Variants in TMOD2 observed in about 807,000 individuals in gnomAD.
The protein encoded by TMOD2 is tropomodulin-2.
A neutral mutation model predicts 39.9 loss-of-function variants in TMOD2; 22 were observed. The ratio of observed to expected loss-of-function variants is 0.55; its 90% CI spans 0.39 to 0.79. TMOD2 has a LOEUF of 0.79. Ranked by LOEUF, TMOD2 falls within the 30% of genes least tolerant of loss-of-function variation. TMOD2 has a pLI of 0.00. For missense variants in TMOD2, 386 were observed against 413.3 expected (o/e 0.93, Z 0.57); for synonymous variants, 123 against 146.1 (o/e 0.84, Z 1.14).
At chr15:51,773,086 A>G (rs2055863995) in intron 3 of TMOD2, among the ~76,000 whole-genome samples, 1 of 152,098 alleles carries the variant, frequency 6.6e-6, no homozygotes, top group Admixed American at 6.5e-5. Context: ...TGGACACCCA[A>G]GCCCACATAT....
chr15:51,782,842 T>A lies in TMOD2; in HGVS notation c.732+14T>A. 1 of 1,605,194 alleles carries A rather than the reference T, an allele frequency of 6.2e-7. No individual in the cohort carries two copies. Among genetic ancestry groups the A allele is most frequent in the Non-Finnish European group, 8.5e-7 (1 of 1,173,456 alleles). On this transcript the variant is annotated intron_variant, in intron 7 of 9. Coordinates refer to ENST00000249700, the MANE Select transcript of TMOD2 (RefSeq NM_014548.4). ...CCTGTGGCCATTGTGAGTAAAATTC[T>A]TAGAAATATAACATGAAGTTATTTA... is the stretch of plus-strand genomic sequence containing the variant.
At chr15:51,757,126 G>C (rs1368398406) in intron 1 of TMOD2, among the ~76,000 whole-genome samples, 1 of 152,208 alleles carries the variant, frequency 6.6e-6, no homozygotes, top group Non-Finnish European at 1.5e-5. Context: ...AGAGGGCTGA[G>C]CGTGGTGGCT....
At chr15:51,753,853 A>G (rs941897513) in intron 1 of TMOD2, among the ~76,000 whole-genome samples, 6 of 152,218 alleles carry the variant, frequency 3.9e-5, no homozygotes, top group Non-Finnish European at 7.3e-5. Flanking sequence ...AAGAAAACAA[A>G]TGTTTATTGT....
At chr15:51,762,678 C>A (rs191619386) in intron 1 of TMOD2, among the ~76,000 whole-genome samples, 14 of 152,078 alleles carry the variant, frequency 9.2e-5, no homozygotes, top group African/African-American at 3.4e-4. Flanking sequence ...TTCCCCATGC[C>A]CCTATGTCAT....
intron 5 of TMOD2, among the ~76,000 whole-genome samples, chr15:51,778,401 G>A (rs910754129): frequency 4.7e-4 from 70 of 149,876 alleles, no homozygotes; most frequent in Non-Finnish European, 6.8e-4. Context: ...ACGAGTTAAT[G>A]GGTGCAGCAC....
intron 7 of TMOD2, among the ~76,000 whole-genome samples, chr15:51,790,747 C>G (rs1029710741): frequency 6.6e-6 from 1 of 152,166 alleles, no homozygotes. Context: ...AAACCAACTA[C>G]AAAAACCACA....
chr15:51,806,316 C>A, intron 8 of TMOD2, 61 bp from the exon 9 acceptor site: 2 of 1,589,678 alleles, frequency 1.3e-6, no homozygotes, highest in Non-Finnish European at 8.6e-7. Context: ...TTTTCCTGTG[C>A]AAGTAACTGT....
intron 8 of TMOD2, among the ~76,000 whole-genome samples, chr15:51,801,212 C>G (rs929356245): frequency 7.3e-6 from 1 of 137,724 alleles, no homozygotes; most frequent in African/African-American, 2.9e-5. Context: ...TATTCATTCT[C>G]TCTCCCTCTC....
chr15:51,786,252 G>T (rs987562918), intron 7 of TMOD2, among the ~76,000 whole-genome samples: 2 of 152,086 alleles, frequency 1.3e-5, no homozygotes, highest in Non-Finnish European at 2.9e-5. Flanking sequence ...CCAAGGGAAA[G>T]AAGTGATGAT....
At chr15:51,775,585 T>TC (rs1305880352) in intron 4 of TMOD2, among the ~76,000 whole-genome samples, 4 of 137,178 alleles carry the variant, frequency 2.9e-5, no homozygotes, top group African/African-American at 1.1e-4. Context: ...TTTTTTTTTT[T>TC]TTTTTTTTTT....
At chr15:51,772,000 G>C (rs2055856977) in intron 3 of TMOD2, among the ~76,000 whole-genome samples, 1 of 152,130 alleles carries the variant, frequency 6.6e-6, no homozygotes, top group African/African-American at 2.4e-5. Context: ...TCCTGTGTTT[G>C]GAGTGCCCAG....
chr15:51,766,705 C>T, intron 2 of TMOD2, 138 bp downstream of exon 2: 12 of 912,344 alleles, frequency 1.3e-5, no homozygotes, highest in Non-Finnish European at 2.0e-5. Context: ...TCTGGGTCAC[C>T]TGTGTTTACA....
intron 7 of TMOD2, among the ~76,000 whole-genome samples, chr15:51,789,079 G>C (rs895194262): frequency 2.6e-5 from 4 of 152,142 alleles, no homozygotes; most frequent in Non-Finnish European, 5.9e-5. Flanking sequence ...TGGATAAAGA[G>C]TCAAGACCCA....
chr15:51,772,877 A>T (rs1295372153), intron 3 of TMOD2, among the ~76,000 whole-genome samples: 1 of 152,164 alleles, frequency 6.6e-6, no homozygotes, highest in Admixed American at 6.5e-5. Flanking sequence ...CCTGCTCCTA[A>T]TATTTGCAGG....
At chr15:51,777,091 T>C in intron 5 of TMOD2, 73 bp downstream of exon 5, 1 of 1,291,686 alleles carries the variant, frequency 7.7e-7, no homozygotes, top group Non-Finnish European at 1.1e-6. Flanking sequence ...GAGAGGCCTG[T>C]TGAGTCTTGC....
chr15:51,781,298 A>G, intron 6 of TMOD2, 124 bp downstream of exon 6: 1 of 825,802 alleles, frequency 1.2e-6, no homozygotes, highest in Non-Finnish European at 1.8e-6. Flanking sequence ...GTTGGAGTCA[A>G]GGTATCCTAT....
chr15:51,806,354 C>T, intron 8 of TMOD2, 23 bp from the exon 9 acceptor site: 1 of 1,613,534 alleles, frequency 6.2e-7, no homozygotes, highest in Non-Finnish European at 8.5e-7. Context: ...TCATCCTGTG[C>T]ATGTGTCTGC....
At chr15:51,801,288 GTCTCTCTCTCTCTC>G (rs72529496) in intron 8 of TMOD2, among the ~76,000 whole-genome samples, 1 of 111,634 alleles carries the variant, frequency 9.0e-6, no homozygotes, top group Non-Finnish European at 1.9e-5. Context: ...CACACACCCT[GTCTCTCTCTCTCTC>G]TCTCTCTCTC....
intron 5 of TMOD2, among the ~76,000 whole-genome samples, chr15:51,778,120 A>T (rs1473214681): frequency 6.6e-6 from 1 of 151,820 alleles, no homozygotes; most frequent in Non-Finnish European, 1.5e-5. Context: ...GGATTAAGAA[A>T]ATGTGGCACA....
Sources: gnomAD v4.1 joint callset for allele counts (sites outside exome capture counted in the v4.1 genomes callset) on GRCh38, gnomAD v4.1.1 for gene constraint, MANE v1.5 for transcripts, NCBI Gene and HGNC (gene_info 2026-07-23, HGNC 2026-07-21) for gene names.